SCN9A: variants seen among roughly 807,000 people sequenced by gnomAD.
SCN9A encodes the protein sodium voltage-gated channel alpha subunit 9.
In SCN9A, 131 loss-of-function variants were observed where a neutral mutation model predicts 187.0. That is an observed-to-expected ratio of 0.70 (90% CI 0.61 to 0.81). The LOEUF (loss-of-function observed/expected upper bound fraction) is 0.81, where lower values mean the gene tolerates loss of function less well. SCN9A is among the 30% of genes least tolerant of loss of function. The probability of loss-of-function intolerance (pLI) is 0.00; values close to 1 mark genes in which losing one functional copy is unlikely to be tolerated. For synonymous variants in SCN9A, 809 were observed against 808.6 expected, an observed-to-expected ratio of 1.00 and a Z score of -0.01; for missense variants, 2,252 against 2,396.6, an observed-to-expected ratio of 0.94 and a Z score of 1.26.
intron 20 of SCN9A, among the ~76,000 whole-genome samples, chr2:166,236,715 G>A (rs1025338129): frequency 2.0e-5 from 3 of 152,096 alleles, no homozygotes; most frequent in Admixed American, 6.6e-5. Flanking sequence ...GAGCTACCGC[G>A]CCTGGCCAGA....
intron 21 of SCN9A, 82 bp downstream of exon 21, chr2:166,233,258 C>T (rs1265886516): frequency 3.8e-5 from 39 of 1,016,682 alleles, no homozygotes; most frequent in Non-Finnish European, 5.3e-5. Flanking sequence ...AGAAACAACT[C>T]ATAATTTCTA....
intron 16 of SCN9A, among the ~76,000 whole-genome samples, chr2:166,274,510 A>G (rs2106464346): frequency 6.6e-6 from 1 of 152,274 alleles, no homozygotes; most frequent in South Asian, 2.1e-4. Context: ...TTAGAGAAAT[A>G]TAAAAAAAGA....
intron 17 of SCN9A, among the ~76,000 whole-genome samples, chr2:166,266,753 T>C (rs1272812577): frequency 6.6e-6 from 1 of 151,876 alleles, no homozygotes; most frequent in Non-Finnish European, 1.5e-5. Flanking sequence ...TATTTTATAG[T>C]TTTCATTGTA....
chr2:166,222,306 T>C (rs760577079), intron 24 of SCN9A, among the ~76,000 whole-genome samples: 1 of 152,196 alleles, frequency 6.6e-6, no homozygotes, highest in Non-Finnish European at 1.5e-5. Context: ...AGATGCTCAG[T>C]ATCACTAATC....
intron 21 of SCN9A, 43 bp downstream of exon 21, chr2:166,233,297 C>A: frequency 7.4e-7 from 1 of 1,354,390 alleles, no homozygotes; most frequent in South Asian, 1.6e-5. Context: ...ATTTTAAACC[C>A]CATTAAAAAA....
intron 17 of SCN9A, among the ~76,000 whole-genome samples, chr2:166,271,499 AT>A (rs1350914653): frequency 6.6e-6 from 1 of 152,044 alleles, no homozygotes; most frequent in Non-Finnish European, 1.5e-5. Flanking sequence ...GCACTAGGAG[AT>A]AGAGCTGGTC....
intron 14 of SCN9A, among the ~76,000 whole-genome samples, chr2:166,280,150 A>G (rs1697411661): frequency 6.6e-6 from 1 of 152,166 alleles, no homozygotes; most frequent in Admixed American, 6.6e-5. Context: ...TAGAAATAGT[A>G]TTGTTATTTG....
chr2:166,199,728 C>T lies in SCN9A; in HGVS notation c.4911G>A (p.Leu1637=), dbSNP rs1300333232. 3.7e-6 allele frequency: 6 copies of T among 1,613,960 alleles called. No individual in the cohort carries two copies. The African/African-American group carries it at 6.7e-5, about 18-fold the overall frequency. Residue 1637 remains leucine (L), a synonymous_variant, in exon 27 of 27, where the codon TTG becomes TTA. Coordinates refer to ENST00000642356, the MANE Select transcript of SCN9A (RefSeq NM_001365536.1). ...TAAACAACGCAGGAAGGGACATCAT[C>T]AAAGCAAAGAGCAGCGTGCGGATCC... is the stretch of plus-strand genomic sequence containing the variant. ...AKGIRTLLFA[L]MMSLPALFNI...
intron 1 of SCN9A, among the ~76,000 whole-genome samples, chr2:166,331,650 A>G (rs1699505844): frequency 6.6e-6 from 1 of 152,182 alleles, no homozygotes; most frequent in Non-Finnish European, 1.5e-5. Context: ...TTATTACACA[A>G]TCCAAGAATT....
chr2:166,274,995 G>A (rs1407754652), intron 16 of SCN9A, among the ~76,000 whole-genome samples: 1 of 152,018 alleles, frequency 6.6e-6, no homozygotes, highest in Non-Finnish European at 1.5e-5. Flanking sequence ...GCCCTAATAA[G>A]CATCTTAAAA....
chr2:166,242,194 A>T (rs946476730), intron 19 of SCN9A, among the ~76,000 whole-genome samples: 1 of 152,112 alleles, frequency 6.6e-6, no homozygotes, highest in Admixed American at 6.6e-5. Flanking sequence ...CTACAGGGAA[A>T]GTGCTTTCAG....
intron 21 of SCN9A, among the ~76,000 whole-genome samples, chr2:166,231,145 T>C (rs1695065240): frequency 6.6e-6 from 1 of 152,218 alleles, no homozygotes; most frequent in Non-Finnish European, 1.5e-5. Context: ...AATAGTGGGC[T>C]GGCTTAATCA....
chr2:166,356,140 A>G (rs559524225), intron 1 of SCN9A, among the ~76,000 whole-genome samples: 1 of 152,056 alleles, frequency 6.6e-6, no homozygotes, highest in East Asian at 1.9e-4. Flanking sequence ...TTTACCTCAA[A>G]CTGAACTATC....
intron 7 of SCN9A, chr2:166,301,019 C>T (rs1698532152): frequency 1.3e-5 from 2 of 150,408 alleles, no homozygotes; most frequent in African/African-American, 5.0e-5. Flanking sequence ...ATTCTCCTGC[C>T]TCAGCCTCCT....
chr2:166,271,560 C>T (rs1263270136), intron 17 of SCN9A, among the ~76,000 whole-genome samples: 3 of 151,928 alleles, frequency 2.0e-5, no homozygotes, highest in East Asian at 3.9e-4. Context: ...GTACATAATT[C>T]GAGACTTTGG....
intron 1 of SCN9A, among the ~76,000 whole-genome samples, chr2:166,341,252 C>T (rs1485075459): frequency 6.6e-6 from 1 of 152,198 alleles, no homozygotes; most frequent in African/African-American, 2.4e-5. Context: ...GTGAGTTACA[C>T]TGGTTTATAA....
chr2:166,319,621 A>T (rs1390854212), intron 1 of SCN9A, among the ~76,000 whole-genome samples: 1 of 152,130 alleles, frequency 6.6e-6, no homozygotes, highest in African/African-American at 2.4e-5. Flanking sequence ...TTTTAAAATG[A>T]AAAATACATA....
At chr2:166,330,336 T>G (rs1442179788) in intron 1 of SCN9A, among the ~76,000 whole-genome samples, 1 of 152,172 alleles carries the variant, frequency 6.6e-6, no homozygotes, top group Admixed American at 6.5e-5. Flanking sequence ...TAGCAACCAT[T>G]ATAATGTGTT....
chr2:166,221,601 T>C (rs1694587848), intron 24 of SCN9A, among the ~76,000 whole-genome samples: 1 of 152,122 alleles, frequency 6.6e-6, no homozygotes, highest in African/African-American at 2.4e-5. Context: ...GGAGTCTATC[T>C]TGCCCAGGCT....
Sources: gnomAD v4.1 joint callset for allele counts (sites outside exome capture counted in the v4.1 genomes callset) on GRCh38, gnomAD v4.1.1 for gene constraint, MANE v1.5 for transcripts, NCBI Gene and HGNC (gene_info 2026-07-23, HGNC 2026-07-21) for gene names.